RECQL5: variants seen among roughly 807,000 people sequenced by gnomAD.
The protein encoded by RECQL5 is RecQ like helicase 5, also known as ATP-dependent DNA helicase Q5.
Under a neutral mutation model 103.4 loss-of-function variants are expected in RECQL5, and 88 were observed. The ratio of observed to expected loss-of-function variants is 0.85; its 90% CI spans 0.72 to 1.02. RECQL5 has a LOEUF of 1.02. RECQL5 is among the 50% of genes least tolerant of loss of function. RECQL5 has a pLI of 0.00. For missense variants in RECQL5, 1,232 were observed against 1,284.3 expected (o/e 0.96, Z 0.62); for synonymous variants, 552 against 507.9 (o/e 1.09, Z -1.17).
chr17:75,650,102 A>G (rs879485225), intron 8 of RECQL5: 124 of 985,718 alleles, frequency 1.3e-4, no homozygotes, highest in Non-Finnish European at 1.4e-4. Flanking sequence ...CTCACCAGAA[A>G]TAAGAGCTCT....
Position 75,631,178 on chromosome 17 carries a change from A to G in RECQL5, c.1520T>C (p.Phe507Ser), listed in dbSNP as rs1476573506. The change falls in exon 10 of 20, where the codon TTC (phenylalanine) becomes TCC (serine). Residue 507 changes from phenylalanine to serine, a missense_variant. Physicochemically the swap from Phe to Ser is radical, Grantham distance 155. Coordinates refer to ENST00000317905, the MANE Select transcript of RECQL5 (RefSeq NM_004259.7). ...DEAHKREWNL[F>S]YQKQMQLRKG... is the part of the protein sequence containing the mutation. ...GCGCAGCTGCATCTGCTTCTGATAG[A>G]AGAGGTTCCACTCCCGCTTGTGGGC... The G allele has an allele frequency of 6.2e-6, 10 of 1,613,736 alleles. No homozygotes were observed. Among genetic ancestry groups the G allele is most frequent in the Non-Finnish European group, 8.5e-6 (10 of 1,180,006 alleles).
chr17:75,648,144 TG>T (rs11293281), intron 8 of RECQL5, among the ~76,000 whole-genome samples: 47,710 of 151,854 alleles, frequency 0.31, 7,962 homozygotes, highest in East Asian at 0.54. Context: ...TTGAATATGC[TG>T]TGTTCTCTCC....
chr17:75,651,346 G>C, intron 7 of RECQL5, 81 bp from the exon 8 acceptor site: 1 of 1,524,628 alleles, frequency 6.6e-7, no homozygotes, highest in Non-Finnish European at 9.1e-7. Flanking sequence ...AGGAGGCCGA[G>C]TGCGGTGGCT....
chr17:75,651,187 C>G lies in RECQL5; in HGVS notation c.1228G>C (p.Gly410Arg). The G allele has an allele frequency of 6.2e-7, 1 of 1,614,146 alleles. No homozygotes were observed. The highest frequency in any genetic ancestry group is 1.1e-5 in the South Asian group (1 of 91,088). Residue 410 changes from glycine to arginine, a missense_variant and splice_region_variant, in exon 8 of 20, where the codon GGG becomes CGG. Coordinates refer to ENST00000317905, the MANE Select transcript of RECQL5 (RefSeq NM_004259.7). ...CCACATATAAAATAAGTCACTTACC[C>G]CAGTTCTTCACAGAAGGTCACCAGG... ...DALVTFCEEL[G>R]CRHAAIAKYF...
At chr17:75,655,395 G>A (rs1489595319) in intron 7 of RECQL5, among the ~76,000 whole-genome samples, 2 of 147,318 alleles carry the variant, frequency 1.4e-5, no homozygotes, top group Admixed American at 6.8e-5. Context: ...ACAGAGTCTC[G>A]CTCTATCACC....
At chr17:75,651,837 C>T (rs931135092) in intron 7 of RECQL5, among the ~76,000 whole-genome samples, 4 of 152,110 alleles carry the variant, frequency 2.6e-5, no homozygotes, top group East Asian at 1.9e-4. Flanking sequence ...AGTAAATACA[C>T]GCACAAATGT....
chr17:75,661,648 C>T lies in RECQL5; in HGVS notation c.832G>A (p.Glu278Lys). The T allele has an allele frequency of 1.2e-6, 2 of 1,614,034 alleles. No homozygotes were observed. Among genetic ancestry groups the T allele is most frequent in the Non-Finnish European group, 1.7e-6 (2 of 1,180,020 alleles). ...TREACEQLAI[E>K]LSCRGVNAKA... The stretch of plus-strand genomic sequence containing the variant: ...GCGTTCACACCCCTGCAGCTGAGCT[C>T]TATGGCCAGCTGTTCACAAGCCTCT... The change falls in exon 5 of 20, where the codon GAG becomes AAG. Residue 278 changes from glutamate (E) to lysine (K), a missense_variant. Glu to Lys is a moderately conservative substitution (Grantham distance 56). Coordinates refer to ENST00000317905, the MANE Select transcript of RECQL5 (RefSeq NM_004259.7).
intron 8 of RECQL5, chr17:75,649,923 G>A (rs1339612830): frequency 2.0e-6 from 2 of 985,482 alleles, no homozygotes; most frequent in African/African-American, 3.5e-5. Context: ...CAGGAGAAAT[G>A]AAGGCAGAGG....
chr17:75,662,118 G>T (rs978732245), intron 4 of RECQL5, among the ~76,000 whole-genome samples: 1 of 152,044 alleles, frequency 6.6e-6, no homozygotes, highest in Non-Finnish European at 1.5e-5. Flanking sequence ...CCAAGATTGC[G>T]CCATTGCACT....
intron 6 of RECQL5, among the ~76,000 whole-genome samples, chr17:75,660,355 C>A (rs534151919): frequency 5.3e-4 from 80 of 152,340 alleles, no homozygotes; most frequent in Non-Finnish European, 9.0e-4. Context: ...CAGGTGTGGA[C>A]CACTGTGCCC....
intron 7 of RECQL5, among the ~76,000 whole-genome samples, chr17:75,654,945 A>G (rs191089621): frequency 1.3e-5 from 2 of 152,246 alleles, no homozygotes; most frequent in Admixed American, 6.5e-5. Context: ...GGTGCATACC[A>G]CTACACCCAG....
intron 8 of RECQL5, among the ~76,000 whole-genome samples, chr17:75,634,707 G>GT (rs1341806462): frequency 6.6e-6 from 1 of 152,224 alleles, no homozygotes; most frequent in Non-Finnish European, 1.5e-5. Flanking sequence ...CTCACTGCTG[G>GT]TGTTCTCAGC....
At chr17:75,658,904 A>T (rs971343571) in intron 6 of RECQL5, among the ~76,000 whole-genome samples, 2 of 152,216 alleles carry the variant, frequency 1.3e-5, no homozygotes, top group African/African-American at 4.8e-5. Context: ...GAGGTAGCCC[A>T]TTCTCCAGAA....
Position 75,627,396 on chromosome 17 carries a change from G to T in RECQL5, c.*26C>A. On this transcript the variant is annotated 3_prime_UTR_variant, in exon 20 of 20. Transcript: ENST00000317905. ...CCCATGCTAGAATCTGGGGGAGGAC[G>T]CGGGCCCTGCCCAGCCAGCAGTTGG... The T allele has an allele frequency of 6.3e-7, 1 of 1,578,160 alleles. No individual in the cohort carries two copies. The highest frequency in any genetic ancestry group is 8.7e-7 in the Non-Finnish European group (1 of 1,148,590).
In RECQL5 at chr17:75,663,117, T is replaced by C. The variant is rs764523945; in HGVS notation, c.253-120A>G. 1.1e-4 allele frequency: 106 copies of C among 984,350 alleles called. 1 individual carries two copies. The highest frequency in any genetic ancestry group is 3.3e-4 in the South Asian group (20 of 61,044). The allele number at this position is 984,350 out of a possible 1,614,324, so 61.0% of individuals were successfully genotyped here. On this transcript the variant is annotated intron_variant, in intron 3 of 19. Coordinates refer to ENST00000317905, the MANE Select transcript of RECQL5 (RefSeq NM_004259.7). ...CTCCCACCCTCCAATATATATTCTC[T>C]TTGCATAGAAGTAGTAGAGGTTGAA...
intron 6 of RECQL5, among the ~76,000 whole-genome samples, chr17:75,659,251 G>A (rs552841642): frequency 1.3e-5 from 2 of 152,122 alleles, no homozygotes; most frequent in Admixed American, 6.5e-5. Context: ...TAGTAGAGAC[G>A]GGGTTTCACC....
intron 8 of RECQL5, chr17:75,649,700 C>T (rs994872757): frequency 8.1e-6 from 8 of 985,364 alleles, no homozygotes; most frequent in Non-Finnish European, 9.6e-6. Flanking sequence ...ATTCAAAGAA[C>T]AGTAGCCAAT....
chr17:75,657,117 C>T (rs2059633540), intron 7 of RECQL5, among the ~76,000 whole-genome samples: 1 of 151,980 alleles, frequency 6.6e-6, no homozygotes, highest in Non-Finnish European at 1.5e-5. Context: ...GCCTGTAATC[C>T]CAGCACTCTG....
intron 8 of RECQL5, among the ~76,000 whole-genome samples, chr17:75,648,394 G>A (rs1301349269): frequency 6.6e-6 from 1 of 152,014 alleles, no homozygotes; most frequent in Non-Finnish European, 1.5e-5. Context: ...TTGTTTTTGA[G>A]ACAGAGTCTT....
Sources: gnomAD v4.1 joint callset for allele counts (sites outside exome capture counted in the v4.1 genomes callset) on GRCh38, gnomAD v4.1.1 for gene constraint, MANE v1.5 for transcripts, NCBI Gene and HGNC (gene_info 2026-07-23, HGNC 2026-07-21) for gene names.